The following FRMD4A variants were observed in gnomAD, a reference collection of about 807,000 sequenced individuals.
FRMD4A encodes the protein FERM domain-containing protein 4A.
A neutral mutation model predicts 129.1 loss-of-function variants in FRMD4A; 29 were observed. The ratio of observed to expected loss-of-function variants is 0.22; its 90% CI spans 0.17 to 0.31. The LOEUF (loss-of-function observed/expected upper bound fraction) is 0.31, where lower values mean the gene tolerates loss of function less well. Ranked by LOEUF, FRMD4A falls within the 10% of genes least tolerant of loss-of-function variation. The probability of loss-of-function intolerance (pLI) is 1.00; values close to 1 mark genes in which losing one functional copy is unlikely to be tolerated. For missense variants in FRMD4A, 1,272 were observed against 1,375.8 expected, an observed-to-expected ratio of 0.92 and a Z score of 1.19; for synonymous variants, 634 against 571.6, an observed-to-expected ratio of 1.11 and a Z score of -1.56.
At chr10:13,829,018 C>T (rs1019535910) in intron 3 of FRMD4A, among the ~76,000 whole-genome samples, 2 of 152,152 alleles carry the variant, frequency 1.3e-5, no homozygotes, top group African/African-American at 4.8e-5. Context: ...GTTTTTAGTT[C>T]TCTGAGAAAT....
intron 2 of FRMD4A, among the ~76,000 whole-genome samples, chr10:14,127,980 T>TTTCTTTCTCTCTC (rs1564319427): frequency 1.0e-4 from 2 of 19,376 alleles, no homozygotes; most frequent in East Asian, 1.3e-3. Context: ...CTTTCTTTCC[T>TTTCTTTCTCTCTC]TCTCTCTCTC....
intron 2 of FRMD4A, among the ~76,000 whole-genome samples, chr10:14,245,802 T>C (rs950719283): frequency 1.3e-5 from 2 of 152,090 alleles, no homozygotes; most frequent in East Asian, 3.9e-4. Context: ...TCCAGAACTG[T>C]AATAAGTTTT....
At chr10:14,006,893 G>A (rs2095664159) in intron 2 of FRMD4A, among the ~76,000 whole-genome samples, 1 of 152,076 alleles carries the variant, frequency 6.6e-6, no homozygotes. Context: ...CAAGAAATAA[G>A]TCTCAAAATA....
intron 2 of FRMD4A, among the ~76,000 whole-genome samples, chr10:13,946,930 G>C (rs1416560442): frequency 6.6e-6 from 1 of 152,100 alleles, no homozygotes. Context: ...GGCAGACATG[G>C]GACAAATGAT....
chr10:14,122,660 C>G (rs540932657), intron 2 of FRMD4A, among the ~76,000 whole-genome samples: 8 of 152,056 alleles, frequency 5.3e-5, no homozygotes, highest in Admixed American at 1.3e-4. Context: ...CGCGAGACCT[C>G]ACTTACTATC....
chr10:13,700,440 G>A (rs1266529822), intron 14 of FRMD4A, among the ~76,000 whole-genome samples: 5 of 152,178 alleles, frequency 3.3e-5, no homozygotes, highest in South Asian at 2.1e-4. Flanking sequence ...AAGAACTCAC[G>A]CGATGGAGGG....
At chr10:14,197,637 A>T (rs1352519416) in intron 2 of FRMD4A, among the ~76,000 whole-genome samples, 1 of 152,220 alleles carries the variant, frequency 6.6e-6, no homozygotes, top group African/African-American at 2.4e-5. Context: ...CTGGGATTAC[A>T]GGCGTGAGCC....
intron 2 of FRMD4A, among the ~76,000 whole-genome samples, chr10:14,094,057 C>T (rs566051856): frequency 7.9e-5 from 12 of 152,330 alleles, no homozygotes; most frequent in East Asian, 1.9e-4. Flanking sequence ...CAATGAAATT[C>T]GACCCATCAG....
intron 20 of FRMD4A, among the ~76,000 whole-genome samples, 170 bp downstream of exon 20, chr10:13,660,146 G>A (rs1239242049): frequency 6.6e-6 from 1 of 152,238 alleles, no homozygotes; most frequent in Non-Finnish European, 1.5e-5. Context: ...TACCTCAACA[G>A]TGTCGGCAGC....
At chr10:13,700,857 T>C (rs1372338643) in intron 14 of FRMD4A, among the ~76,000 whole-genome samples, 2 of 33,348 alleles carry the variant, frequency 6.0e-5, no homozygotes, top group Non-Finnish European at 1.3e-4. Context: ...ACGTTTCCAG[T>C]TTTGCATTAA....
At position 13,666,172 on chromosome 10, in the gene FRMD4A, T is replaced by C. The variant is rs74121825; in HGVS notation, c.1528A>G (p.Ile510Val). Reference sequence around the variant, plus strand: ...CGGTTCTCATTGATTGCATTTTCAATCTCCTGCAGTTTCTTCAGTGCATTC... The same window carrying C: ...CGGTTCTCATTGATTGCATTTTCAACCTCCTGCAGTTTCTTCAGTGCATTC... ...YLNALKKLQE[I>V]ENAINENRIK... is the part of the protein sequence containing the mutation. Residue 510 changes from isoleucine to valine, a missense_variant, in exon 18 of 25, where the codon ATT becomes GTT. By Grantham distance (29) the Ile-to-Val change is conservative. Transcript: ENST00000357447. 1.9e-3 allele frequency: 3,045 copies of C among 1,613,762 alleles called. 45 individuals carry two copies. In the African/African-American group the frequency reaches 0.035, roughly 18 times the overall value.
intron 2 of FRMD4A, among the ~76,000 whole-genome samples, chr10:14,122,631 C>A (rs1239171128): frequency 6.6e-6 from 1 of 151,876 alleles, no homozygotes; most frequent in African/African-American, 2.4e-5. Context: ...CTGCTACACA[C>A]TTTTAAATGA....
chr10:14,047,938 C>T (rs571259018), intron 2 of FRMD4A, among the ~76,000 whole-genome samples: 2 of 152,296 alleles, frequency 1.3e-5, no homozygotes, highest in East Asian at 1.9e-4. Context: ...GGACAATTTC[C>T]ACTGCATAGA....
chr10:13,910,279 C>T (rs2094927844), intron 2 of FRMD4A, among the ~76,000 whole-genome samples: 1 of 152,206 alleles, frequency 6.6e-6, no homozygotes, highest in African/African-American at 2.4e-5. Flanking sequence ...GTGAACAAGC[C>T]TGGTCTAACC....
intron 2 of FRMD4A, among the ~76,000 whole-genome samples, chr10:14,239,248 C>T (rs1279043656): frequency 6.6e-6 from 1 of 152,200 alleles, no homozygotes; most frequent in Non-Finnish European, 1.5e-5. Flanking sequence ...TTAATAGACT[C>T]ATGGATCTCC....
chr10:13,724,079 G>C (rs1233163710), intron 12 of FRMD4A, among the ~76,000 whole-genome samples: 1 of 152,184 alleles, frequency 6.6e-6, no homozygotes, highest in Non-Finnish European at 1.5e-5. Flanking sequence ...ATGTTCAAAG[G>C]AACAGTGGGA....
intron 3 of FRMD4A, among the ~76,000 whole-genome samples, chr10:13,833,715 G>A (rs1366825149): frequency 3.3e-5 from 5 of 151,946 alleles, no homozygotes; most frequent in Non-Finnish European, 5.9e-5. Context: ...CTAGCATCTC[G>A]TAAGTCTTTA....
intron 24 of FRMD4A, chr10:13,651,413 G>GTAGA (rs2081569797): frequency 6.5e-6 from 1 of 153,900 alleles, no homozygotes; most frequent in South Asian, 2.0e-4. Flanking sequence ...ATCTTTGAAT[G>GTAGA]TAGATAGAAC....
At chr10:13,769,970 A>T (rs77737236) in intron 6 of FRMD4A, among the ~76,000 whole-genome samples, 2,149 of 152,170 alleles carry the variant, frequency 0.014, 97 homozygotes, top group South Asian at 0.12. Flanking sequence ...AGACTGTGGG[A>T]TCTCTCAGCC....
Sources: allele counts gnomAD v4.1 joint callset (sites outside exome capture counted in the v4.1 genomes callset), GRCh38; gene constraint gnomAD v4.1.1; transcripts MANE v1.5; gene names NCBI Gene and HGNC (gene_info 2026-07-23, HGNC 2026-07-21).